The following C12orf56 variants were observed in gnomAD, a reference collection of about 807,000 sequenced individuals.
C12orf56 encodes chromosome 12 open reading frame 56, also known as uncharacterized protein C12orf56.
In C12orf56, 71 loss-of-function variants were observed where a neutral mutation model predicts 69.9. The observed-to-expected ratio is 1.02, with a 90% confidence interval of 0.84 to 1.24. C12orf56 has a LOEUF of 1.24. Ranked by LOEUF, C12orf56 falls within the 50% of genes most tolerant of loss-of-function variation. C12orf56 has a pLI of 0.00. For synonymous variants in C12orf56, 276 were observed against 274.1 expected (o/e 1.01, Z -0.07); for missense variants, 732 against 738.5 (o/e 0.99, Z 0.10).
At chr12:64,334,604 T>C (rs1229011451) in intron 2 of C12orf56, among the ~76,000 whole-genome samples, 2 of 152,216 alleles carry the variant, frequency 1.3e-5, no homozygotes, top group African/African-American at 4.8e-5. Context: ...TCTGTACATG[T>C]ACAACACAGA....
At chr12:64,358,004 T>C (rs2039343076) in intron 1 of C12orf56, among the ~76,000 whole-genome samples, 1 of 152,178 alleles carries the variant, frequency 6.6e-6, no homozygotes, top group Non-Finnish European at 1.5e-5. Flanking sequence ...ATTACATTGA[T>C]GGTTGTCACA....
At chr12:64,271,775 A>AATGTT (rs1205092191) in intron 11 of C12orf56, among the ~76,000 whole-genome samples, 1 of 152,234 alleles carries the variant, frequency 6.6e-6, no homozygotes, top group African/African-American at 2.4e-5. Context: ...AGAACAGAAC[A>AATGTT]ATGTTAATTA....
At position 64,322,277 on chromosome 12, in the gene C12orf56, C is replaced by T. The variant is rs76390654; in HGVS notation, c.489-3297G>A. On this transcript the variant is annotated intron_variant, in intron 3 of 12. Transcript: ENST00000543942. ...CCTTCAATCTTTATTCTCTTTTGTT[C>T]GGACTAGATAATTTCTATTCATCTA... is the stretch of plus-strand genomic sequence containing the variant. Among the ~76,000 whole-genome samples the T allele has an allele frequency of 1.4e-3, 215 of 151,972 alleles. 1 individual carries two copies. Among genetic ancestry groups the T allele is most frequent in the African/African-American group, 4.3e-3 (180 of 41,446 alleles).
At chr12:64,378,800 C>T (rs1318545328) in intron 1 of C12orf56, among the ~76,000 whole-genome samples, 1 of 151,974 alleles carries the variant, frequency 6.6e-6, no homozygotes, top group Admixed American at 6.5e-5. Flanking sequence ...CCTGTAATCC[C>T]AGCACTTTGG....
chr12:64,282,643 G>A (rs2038144585), intron 8 of C12orf56, among the ~76,000 whole-genome samples: 1 of 151,808 alleles, frequency 6.6e-6, no homozygotes, highest in African/African-American at 2.4e-5. Context: ...GGGCATGATG[G>A]CATGTACCTG....
At chr12:64,319,649 G>A (rs898913888) in intron 3 of C12orf56, among the ~76,000 whole-genome samples, 7 of 152,174 alleles carry the variant, frequency 4.6e-5, no homozygotes, top group East Asian at 1.9e-4. Context: ...TAGCTGGGAA[G>A]GTGACCACTT....
At chr12:64,331,072 T>G in intron 2 of C12orf56, 40 bp from the exon 3 acceptor site, 1 of 1,444,912 alleles carries the variant, frequency 6.9e-7, no homozygotes, top group Non-Finnish European at 9.4e-7. Flanking sequence ...AATTAAATAA[T>G]TTGATTGAAA....
chr12:64,373,543 A>C (rs549752944), intron 1 of C12orf56, among the ~76,000 whole-genome samples: 12 of 152,244 alleles, frequency 7.9e-5, no homozygotes, highest in Non-Finnish European at 1.3e-4. Context: ...CAGTTTTGAA[A>C]TCAGTGTAAG....
At position 64,318,885 on chromosome 12, in the gene C12orf56, C is replaced by G; in HGVS notation, c.584G>C (p.Arg195Pro). ...KLSLHGQGAFRPLPSPSRRSS... is the reference protein window; with the variant it reads ...KLSLHGQGAFPPLPSPSRRSS... Reference sequence around the variant, plus strand: ...CCTCCTGGAGGGGGAAGGTAGGGGTCGAAAGGCACCTTGGCCATGAAGGGA... The same window carrying G: ...CCTCCTGGAGGGGGAAGGTAGGGGTGGAAAGGCACCTTGGCCATGAAGGGA... Residue 195 changes from arginine (R) to proline (P), a missense_variant, in exon 4 of 13, where the codon CGA becomes CCA. By Grantham distance (103) the Arg-to-Pro change is moderately radical. Transcript: ENST00000543942. The G allele has an allele frequency of 6.5e-7, 1 of 1,537,054 alleles. No individual in the cohort carries two copies. The highest frequency in any genetic ancestry group is 8.7e-7 in the Non-Finnish European group (1 of 1,146,866).
At chr12:64,322,435 C>G (rs1021281151) in intron 3 of C12orf56, among the ~76,000 whole-genome samples, 6 of 118,850 alleles carry the variant, frequency 5.0e-5, no homozygotes, top group Non-Finnish European at 1.1e-4. Context: ...TTTATGTCTT[C>G]TATTTCTTGC....
At chr12:64,304,886 G>C (rs184264135) in intron 5 of C12orf56, among the ~76,000 whole-genome samples, 1 of 152,238 alleles carries the variant, frequency 6.6e-6, no homozygotes, top group African/African-American at 2.4e-5. Context: ...AGGGTGCAAG[G>C]TAACAGTAGG....
chr12:64,276,011 G>A (rs879416246), intron 9 of C12orf56, among the ~76,000 whole-genome samples: 7 of 108,330 alleles, frequency 6.5e-5, no homozygotes, highest in African/African-American at 1.4e-4. Context: ...ACCCCCCCCC[G>A]CGAGTTGAGG....
At chr12:64,314,795 C>T (rs1264327928) in intron 4 of C12orf56, among the ~76,000 whole-genome samples, 2 of 151,698 alleles carry the variant, frequency 1.3e-5, no homozygotes, top group Admixed American at 6.6e-5. Context: ...CCACCACGCC[C>T]GGCTAATTTT....
At chr12:64,339,905 T>G (rs11175345) in intron 2 of C12orf56, among the ~76,000 whole-genome samples, 23,065 of 152,028 alleles carry the variant, frequency 0.15, 1,920 homozygotes, top group East Asian at 0.28. Context: ...AATAAATATA[T>G]AGAGCCCAAT....
chr12:64,376,831 T>C (rs2039647934), intron 1 of C12orf56, among the ~76,000 whole-genome samples: 1 of 152,186 alleles, frequency 6.6e-6, no homozygotes, highest in South Asian at 2.1e-4. Context: ...ATGGTGTATA[T>C]GTACCACATT....
intron 1 of C12orf56, among the ~76,000 whole-genome samples, chr12:64,361,237 A>G (rs1282104954): frequency 6.6e-6 from 1 of 152,170 alleles, no homozygotes; most frequent in Non-Finnish European, 1.5e-5. Context: ...AAATAAAAAA[A>G]CAATTATTAT....
intron 11 of C12orf56, among the ~76,000 whole-genome samples, chr12:64,274,517 A>G (rs2038026683): frequency 6.6e-6 from 1 of 152,204 alleles, no homozygotes; most frequent in Non-Finnish European, 1.5e-5. Context: ...AGAAATGGTG[A>G]TAATAGGAAC....
intron 6 of C12orf56, among the ~76,000 whole-genome samples, chr12:64,295,579 CTCAGCTAT>C (rs1175860362): frequency 6.6e-5 from 10 of 151,954 alleles, no homozygotes; most frequent in Non-Finnish European, 1.2e-4. Flanking sequence ...TACTCAGCTA[CTCAGCTAT>C]TTGAGCCCAG....
chr12:64,281,966 G>C (rs2038134848), intron 8 of C12orf56, among the ~76,000 whole-genome samples: 1 of 152,180 alleles, frequency 6.6e-6, no homozygotes, highest in Non-Finnish European at 1.5e-5. Context: ...ACCAGATTTA[G>C]TGATAATTTT....
Sources: allele counts gnomAD v4.1 joint callset (sites outside exome capture counted in the v4.1 genomes callset), GRCh38; gene constraint gnomAD v4.1.1; transcripts MANE v1.5; gene names NCBI Gene and HGNC (gene_info 2026-07-23, HGNC 2026-07-21).